Variants in KIFBP observed in about 807,000 individuals in gnomAD.
KIFBP encodes KIF-binding protein.
A neutral mutation model predicts 58.9 loss-of-function variants in KIFBP; 46 were observed. That is an observed-to-expected ratio of 0.78 (90% CI 0.62 to 1.00). The LOEUF (loss-of-function observed/expected upper bound fraction) is 1.00, where lower values mean the gene tolerates loss of function less well. Ranked by LOEUF, KIFBP falls within the 50% of genes least tolerant of loss-of-function variation. KIFBP has a pLI of 0.00. For missense variants in KIFBP, 651 were observed against 752.9 expected (o/e 0.86, Z 1.58); for synonymous variants, 241 against 283.4 (o/e 0.85, Z 1.50).
chr10:68,996,004 A>G (rs553648049), intron 1 of KIFBP, among the ~76,000 whole-genome samples: 1 of 152,216 alleles, frequency 6.6e-6, no homozygotes, highest in Admixed American at 6.5e-5. Flanking sequence ...CTAAAAATAC[A>G]AAAATTAGCC....
intron 1 of KIFBP, among the ~76,000 whole-genome samples, chr10:68,998,503 A>G (rs138593578): frequency 2.6e-4 from 39 of 151,918 alleles, no homozygotes; most frequent in African/African-American, 8.7e-4. Context: ...CTGTATTTTA[A>G]TAGGAGATTG....
At chr10:69,004,613 A>G (rs1843511493) in intron 2 of KIFBP, among the ~76,000 whole-genome samples, 1 of 152,078 alleles carries the variant, frequency 6.6e-6, no homozygotes, top group Non-Finnish European at 1.5e-5. Flanking sequence ...CTATAATCCT[A>G]GCACTTTGGG....
intron 2 of KIFBP, among the ~76,000 whole-genome samples, chr10:69,003,291 C>T (rs577728939): frequency 6.6e-6 from 1 of 152,084 alleles, no homozygotes; most frequent in East Asian, 1.9e-4. Flanking sequence ...GGTAAGCAGC[C>T]CTCGGAATTG....
intron 2 of KIFBP, among the ~76,000 whole-genome samples, chr10:69,001,422 C>A (rs1366642565): frequency 6.6e-6 from 1 of 152,158 alleles, no homozygotes; most frequent in Non-Finnish European, 1.5e-5. Flanking sequence ...ACAATATTTT[C>A]TTGTGGATTA....
Position 69,000,531 on chromosome 10 carries a change from C to G in KIFBP, c.525+9C>G, listed in dbSNP as rs1320379524. On this transcript the variant is annotated intron_variant, in intron 2 of 6. Transcript: ENST00000361983. ...ATCAGTATATGAAAGAGGTATGTTACATGTCAGATGAGTTTTAAGTTTTGA... is the reference window on the plus strand; with the variant it reads ...ATCAGTATATGAAAGAGGTATGTTAGATGTCAGATGAGTTTTAAGTTTTGA... 6.7e-7 allele frequency: 1 copy of G among 1,501,496 alleles called. No homozygotes were observed. The highest frequency in any genetic ancestry group is 1.4e-5 in the African/African-American group (1 of 72,820). 93.0% of individuals were successfully genotyped at this position (1,501,496 alleles called of 1,614,324 possible). A position where few individuals can be genotyped will look rare whatever the true frequency, so the allele number is the denominator to read the frequency against.
At chr10:69,003,348 GC>G (rs1843492774) in intron 2 of KIFBP, among the ~76,000 whole-genome samples, 1 of 152,172 alleles carries the variant, frequency 6.6e-6, no homozygotes, top group Non-Finnish European at 1.5e-5. Flanking sequence ...TTTGCCTTGG[GC>G]CTTGCTTCCT....
Position 69,005,867 on chromosome 10 carries a change from A to G in KIFBP, c.741A>G (p.Ile247Met), listed in dbSNP as rs1248349112. 1 of 1,614,168 alleles carries G rather than the reference A, an allele frequency of 6.2e-7. No individual in the cohort carries two copies. The highest frequency in any genetic ancestry group is 1.7e-5 in the Admixed American group (1 of 60,008). The change falls in exon 4 of 7, where the codon ATA (isoleucine) becomes ATG (methionine). Residue 247 changes from isoleucine to methionine, a missense_variant. Ile to Met is a conservative substitution (Grantham distance 10). Coordinates refer to ENST00000361983, the MANE Select transcript of KIFBP (RefSeq NM_015634.4). The stretch of plus-strand genomic sequence containing the variant: ...TTGAGCACAATGCCTACCATCCTAT[A>G]GAGTGGGCTATCAATGCTGCTACCT... ...RQLEHNAYHP[I>M]EWAINAATLS... is the part of the protein sequence containing the mutation.
intron 1 of KIFBP, among the ~76,000 whole-genome samples, chr10:68,996,527 C>T (rs1250759926): frequency 6.6e-6 from 1 of 151,864 alleles, no homozygotes; most frequent in African/African-American, 2.4e-5. Context: ...TGCCACTGCA[C>T]TCCAGCCTGG....
In KIFBP at chr10:68,999,906, G is replaced by A. The variant is rs185657419; in HGVS notation, c.427-518G>A. 4.4e-3 allele frequency: 699 copies of A among 160,396 alleles called. 2 individuals carry two copies. The highest frequency in any genetic ancestry group is 8.0e-3 in the Non-Finnish European group (588 of 73,606). 9.9% of individuals were successfully genotyped at this position (160,396 alleles called of 1,614,324 possible). On this transcript the variant is annotated intron_variant, in intron 1 of 6. Transcript: ENST00000361983. ...TAAAAATACAAAAAATTAGCCGGGC[G>A]TGATTGCGGGCGCCTGTAGTCCCAG...
intron 1 of KIFBP, among the ~76,000 whole-genome samples, chr10:68,996,073 G>A (rs1341550903): frequency 3.3e-5 from 5 of 151,812 alleles, no homozygotes; most frequent in East Asian, 1.9e-4. Context: ...CACAAGAATC[G>A]CTAGAACCCG....
At chr10:69,011,151 C>G in intron 6 of KIFBP, 136 bp downstream of exon 6, 1 of 701,122 alleles carries the variant, frequency 1.4e-6, no homozygotes, top group Non-Finnish European at 2.5e-6. Context: ...GTAAATATTT[C>G]TTTCTTGGTT....
rs34786287 is a variant in KIFBP, at chr10:69,011,683, C to CTTTTT, written c.990+693_990+697dup. Among the ~76,000 whole-genome samples, 10 of 42,534 alleles carry CTTTTT rather than the reference C, an allele frequency of 2.4e-4. 1 individual carries two copies. The highest frequency in any genetic ancestry group is 7.1e-4 in the African/African-American group (7 of 9,912). The allele number at this position is 42,534 out of a possible 152,430, so 27.9% of individuals were successfully genotyped here. On this transcript the variant is annotated intron_variant, in intron 6 of 6. Transcript: ENST00000361983. ...ACAGGTGTGAGCCACTGTGCCTAAT[C>CTTTTT]TTTTTTTTTTTTTTTTTTTTTTTTT...
chr10:68,992,006 AT>A (rs1333625351), intron 1 of KIFBP, among the ~76,000 whole-genome samples: 2 of 132,980 alleles, frequency 1.5e-5, no homozygotes, highest in African/African-American at 5.6e-5. Flanking sequence ...TTTTATTTTT[AT>A]TTTTGAGACA....
chr10:69,000,384 C>A, intron 1 of KIFBP, 40 bp from the exon 2 acceptor site: 1 of 1,307,986 alleles, frequency 7.6e-7, no homozygotes, highest in South Asian at 1.2e-5. Context: ...AATTGGAAGT[C>A]TTATATCATT....
intron 6 of KIFBP, chr10:69,011,233 C>T (rs918215329): frequency 3.9e-6 from 2 of 509,122 alleles, no homozygotes; most frequent in Admixed American, 3.1e-5. Context: ...GACCACTGCA[C>T]TCCAGCCTGG....
chr10:68,999,345 G>T (rs1434476448), intron 1 of KIFBP, among the ~76,000 whole-genome samples: 1 of 148,834 alleles, frequency 6.7e-6, no homozygotes, highest in Non-Finnish European at 1.5e-5. Context: ...TGATCTGCCT[G>T]CCTCGGCCTC....
intron 1 of KIFBP, chr10:68,991,574 A>G (rs1430492930): frequency 2.9e-5 from 12 of 415,834 alleles, no homozygotes; most frequent in Non-Finnish European, 2.0e-5. Context: ...GCTGGAGGTC[A>G]TCACGTGCAG....
chr10:68,989,420 C>G, intron 1 of KIFBP, 162 bp downstream of exon 1: 1 of 780,666 alleles, frequency 1.3e-6, no homozygotes, highest in Non-Finnish European at 2.1e-6. Context: ...TTCAAAAAAG[C>G]CAGTCTTATG....
At chr10:69,010,444 A>G (rs1211015070) in intron 5 of KIFBP, among the ~76,000 whole-genome samples, 1 of 152,210 alleles carries the variant, frequency 6.6e-6, no homozygotes, top group Non-Finnish European at 1.5e-5. Flanking sequence ...ACAGCAAGAA[A>G]GCTGCTCTGC....
Sources: gnomAD v4.1 joint callset for allele counts (sites outside exome capture counted in the v4.1 genomes callset) on GRCh38, gnomAD v4.1.1 for gene constraint, MANE v1.5 for transcripts, NCBI Gene and HGNC (gene_info 2026-07-23, HGNC 2026-07-21) for gene names.